The following RYR2 variants were observed in gnomAD, a reference collection of about 807,000 sequenced individuals.
RYR2 encodes the protein ryanodine receptor 2.
In RYR2, 227 loss-of-function variants were observed where a neutral mutation model predicts 601.1. The ratio of observed to expected loss-of-function variants is 0.38; its 90% CI spans 0.34 to 0.42. The LOEUF is 0.42. Among genes scored for constraint, RYR2 ranks in the 10% least tolerant of loss-of-function variants. The pLI is 1.00. For missense variants in RYR2, 4,646 were observed against 6,156.5 expected, an observed-to-expected ratio of 0.75 and a Z score of 8.21; for synonymous variants, 2,223 against 2,175.1, an observed-to-expected ratio of 1.02 and a Z score of -0.61.
chr1:237,209,266 C>A (rs1180809703), intron 1 of RYR2, among the ~76,000 whole-genome samples: 1 of 151,084 alleles, frequency 6.6e-6, no homozygotes, highest in African/African-American at 2.4e-5. Flanking sequence ...ATTATATGAA[C>A]AAGATGATTC....
intron 87 of RYR2, among the ~76,000 whole-genome samples, chr1:237,775,171 G>A (rs1694568701): frequency 6.7e-6 from 1 of 150,320 alleles, no homozygotes; most frequent in Non-Finnish European, 1.5e-5. Flanking sequence ...TCTGAAATAT[G>A]TATTTTGGAA....
intron 29 of RYR2, among the ~76,000 whole-genome samples, chr1:237,584,906 A>ATT (rs35947237): frequency 5.4e-5 from 8 of 149,486 alleles, no homozygotes; most frequent in African/African-American, 1.7e-4. Flanking sequence ...CTAATTTGTT[A>ATT]TTTTTTTTTT....
At chr1:237,755,377 G>A (rs1330731919) in intron 80 of RYR2, among the ~76,000 whole-genome samples, 2 of 152,062 alleles carry the variant, frequency 1.3e-5, no homozygotes, top group Admixed American at 1.3e-4. Flanking sequence ...ATATGTTTTG[G>A]CCGTTGTGTT....
intron 1 of RYR2, among the ~76,000 whole-genome samples, chr1:237,043,971 C>A (rs993626080): frequency 6.6e-6 from 1 of 152,154 alleles, no homozygotes; most frequent in Admixed American, 6.5e-5. Flanking sequence ...TGGGAGAAAG[C>A]TTTGGGAAGG....
intron 3 of RYR2, among the ~76,000 whole-genome samples, chr1:237,336,181 T>C (rs898032101): frequency 4.6e-5 from 7 of 152,314 alleles, no homozygotes; most frequent in African/African-American, 1.4e-4. Context: ...CTTTACATTT[T>C]CTTGGCACTT....
intron 53 of RYR2, among the ~76,000 whole-genome samples, chr1:237,656,645 T>C: frequency 6.6e-6 from 1 of 152,212 alleles, no homozygotes; most frequent in Admixed American, 6.5e-5. Context: ...ATCTTACTGA[T>C]TCTATGGTGA....
At chr1:237,611,047 C>T (rs778775853) in intron 36 of RYR2, 59 bp downstream of exon 36, 123 of 1,450,388 alleles carry the variant, frequency 8.5e-5, no homozygotes, top group Non-Finnish European at 1.1e-4. Flanking sequence ...GCCTGCTGCC[C>T]GGGGCTTCCG....
At chr1:237,388,066 A>C (rs1279519872) in intron 9 of RYR2, 21 bp from the exon 10 acceptor site, 4 of 1,605,170 alleles carry the variant, frequency 2.5e-6, no homozygotes, top group Middle Eastern at 1.7e-4. Context: ...TCCAGACCTG[A>C]ATGATTTTTT....
intron 1 of RYR2, among the ~76,000 whole-genome samples, chr1:237,229,017 G>A (rs558661447): frequency 1.3e-5 from 2 of 152,126 alleles, no homozygotes; most frequent in East Asian, 3.9e-4. Flanking sequence ...AGGAGGTAGG[G>A]ACCATTTTAC....
At chr1:237,365,672 G>A (rs149977841) in intron 5 of RYR2, among the ~76,000 whole-genome samples, 2,276 of 152,232 alleles carry the variant, frequency 0.015, 30 homozygotes, top group Non-Finnish European at 0.018. Flanking sequence ...TATGATTTGG[G>A]GTTTGAGAAA....
At chr1:237,123,554 T>C (rs1017788442) in intron 1 of RYR2, among the ~76,000 whole-genome samples, 1 of 151,338 alleles carries the variant, frequency 6.6e-6, no homozygotes, top group African/African-American at 2.4e-5. Flanking sequence ...GCCACTGCGC[T>C]CAAATCTGGG....
intron 12 of RYR2, among the ~76,000 whole-genome samples, chr1:237,433,819 T>C (rs570184359): frequency 6.6e-6 from 1 of 151,524 alleles, no homozygotes; most frequent in African/African-American, 2.4e-5. Context: ...TAGACATGTA[T>C]CTTCTACCAT....
At chr1:237,146,605 A>G (rs183700091) in intron 1 of RYR2, among the ~76,000 whole-genome samples, 1 of 152,286 alleles carries the variant, frequency 6.6e-6, no homozygotes, top group East Asian at 1.9e-4. Flanking sequence ...TGACAATGTA[A>G]ACCTTTTAAA....
At chr1:237,505,221 A>G (rs1056031734) in intron 22 of RYR2, among the ~76,000 whole-genome samples, 6 of 152,214 alleles carry the variant, frequency 3.9e-5, no homozygotes, top group Admixed American at 6.5e-5. Context: ...ATAGTCACCC[A>G]ACAAATGTTA....
intron 88 of RYR2, among the ~76,000 whole-genome samples, chr1:237,779,313 C>A (rs1694910681): frequency 6.6e-6 from 1 of 152,132 alleles, no homozygotes; most frequent in Non-Finnish European, 1.5e-5. Flanking sequence ...TTAATGTTAA[C>A]TTGAGGGCTA....
intron 79 of RYR2, among the ~76,000 whole-genome samples, chr1:237,734,572 A>G (rs1022308770): frequency 1.3e-5 from 2 of 152,206 alleles, no homozygotes; most frequent in African/African-American, 2.4e-5. Context: ...TGGCTGTTGA[A>G]CCATGAGTTG....
chr1:237,288,791 A>ATTTG (rs1691864791), intron 2 of RYR2, among the ~76,000 whole-genome samples: 1 of 151,972 alleles, frequency 6.6e-6, no homozygotes, highest in Admixed American at 6.5e-5. Context: ...TGGAGTCTGG[A>ATTTG]CACTAGATTT....
At chr1:237,094,584 T>C (rs1667307385) in intron 1 of RYR2, among the ~76,000 whole-genome samples, 1 of 152,184 alleles carries the variant, frequency 6.6e-6, no homozygotes, top group South Asian at 2.1e-4. Context: ...ATTATTATTA[T>C]TATTTTTTGA....
At chr1:237,283,828 C>T (rs114426720) in intron 2 of RYR2, among the ~76,000 whole-genome samples, 94 of 152,224 alleles carry the variant, frequency 6.2e-4, no homozygotes, top group Admixed American at 2.1e-3. Context: ...CCGTAAGTTA[C>T]TGGAGTACAG....
Sources: allele counts gnomAD v4.1 joint callset (sites outside exome capture counted in the v4.1 genomes callset), GRCh38; gene constraint gnomAD v4.1.1; transcripts MANE v1.5; gene names NCBI Gene and HGNC (gene_info 2026-07-23, HGNC 2026-07-21).